GRIN3A: variants seen among roughly 807,000 people sequenced by gnomAD.
GRIN3A encodes glutamate ionotropic receptor NMDA type subunit 3A, also known as glutamate receptor ionotropic, NMDA 3A.
Under a neutral mutation model 92.4 loss-of-function variants are expected in GRIN3A, and 47 were observed. The ratio of observed to expected loss-of-function variants is 0.51; its 90% CI spans 0.40 to 0.65. GRIN3A has a LOEUF of 0.65. Among genes scored for constraint, GRIN3A ranks in the 30% least tolerant of loss-of-function variants. The pLI is 0.00. For synonymous variants in GRIN3A, 527 were observed against 540.6 expected (o/e 0.97, Z 0.35); for missense variants, 1,324 against 1,393.1 (o/e 0.95, Z 0.79).
Position 101,671,160 on chromosome 9 carries a change from A to G in GRIN3A, c.1305-53T>C, listed in dbSNP as rs1424899326. 5.0e-6 allele frequency: 6 copies of G among 1,193,842 alleles called. No individual in the cohort carries two copies. The African/African-American group carries it at 7.4e-5, about 15-fold the overall frequency. 74.0% of individuals were successfully genotyped at this position (1,193,842 alleles called of 1,614,324 possible). On this transcript the variant is annotated intron_variant, in intron 2 of 8. Transcript: ENST00000361820. ...TAAGAAAAGCAGTGAGGCCTAAGATAGGAAGCAGTGTTCAGCTTTGCTTCC... is the reference window on the plus strand; with the variant it reads ...TAAGAAAAGCAGTGAGGCCTAAGATGGGAAGCAGTGTTCAGCTTTGCTTCC...
intron 6 of GRIN3A, among the ~76,000 whole-genome samples, chr9:101,601,293 C>T (rs561769722): frequency 4.6e-5 from 7 of 152,180 alleles, no homozygotes; most frequent in African/African-American, 1.2e-4. Flanking sequence ...TAGTCTCTAC[C>T]CAGTAGGGAA....
intron 5 of GRIN3A, among the ~76,000 whole-genome samples, chr9:101,620,411 T>C (rs2118864252): frequency 6.6e-6 from 1 of 152,222 alleles, no homozygotes; most frequent in Admixed American, 6.5e-5. Flanking sequence ...AACATATGAA[T>C]CTGGGGGGAG....
chr9:101,653,155 C>T (rs181050275), intron 3 of GRIN3A, among the ~76,000 whole-genome samples: 307 of 152,060 alleles, frequency 2.0e-3, no homozygotes, highest in African/African-American at 6.7e-3. Flanking sequence ...TCAGTCATCA[C>T]ATGCCACTTG....
intron 7 of GRIN3A, among the ~76,000 whole-genome samples, chr9:101,578,406 T>C (rs1472421048): frequency 6.6e-6 from 1 of 151,630 alleles, no homozygotes; most frequent in Non-Finnish European, 1.5e-5. Context: ...TGAGGGTATA[T>C]GAATACATGA....
chr9:101,711,399 A>G (rs1365982351), intron 1 of GRIN3A, among the ~76,000 whole-genome samples: 1 of 152,190 alleles, frequency 6.6e-6, no homozygotes, highest in African/African-American at 2.4e-5. Context: ...ATAGCGTCCA[A>G]TGGAAAACTT....
intron 3 of GRIN3A, among the ~76,000 whole-genome samples, chr9:101,660,932 A>G (rs1441659806): frequency 6.6e-6 from 1 of 151,956 alleles, no homozygotes; most frequent in Non-Finnish European, 1.5e-5. Flanking sequence ...CTGAATATTT[A>G]CTGTTCACCC....
At chr9:101,692,821 T>G (rs1460768565) in intron 1 of GRIN3A, among the ~76,000 whole-genome samples, 1 of 152,162 alleles carries the variant, frequency 6.6e-6, no homozygotes, top group Non-Finnish European at 1.5e-5. Flanking sequence ...AAATTAAAGA[T>G]TGTTCCTTTA....
At chr9:101,630,787 T>C (rs528135846) in intron 3 of GRIN3A, among the ~76,000 whole-genome samples, 62 of 152,334 alleles carry the variant, frequency 4.1e-4, no homozygotes, top group African/African-American at 1.4e-3. Flanking sequence ...TTCTCACAAC[T>C]AGGAATTAAC....
At chr9:101,673,717 CAAG>C (rs1829358521) in intron 2 of GRIN3A, among the ~76,000 whole-genome samples, 1 of 152,018 alleles carries the variant, frequency 6.6e-6, no homozygotes, top group Non-Finnish European at 1.5e-5. Context: ...CTTGGATAAA[CAAG>C]GAGAAAAATC....
At chr9:101,728,730 T>C (rs1159618401) in intron 1 of GRIN3A, among the ~76,000 whole-genome samples, 1 of 152,220 alleles carries the variant, frequency 6.6e-6, no homozygotes, top group Non-Finnish European at 1.5e-5. Context: ...TCAGGGTTAA[T>C]CTGTGTAAAT....
At chr9:101,679,588 T>C (rs989239796) in intron 2 of GRIN3A, among the ~76,000 whole-genome samples, 3 of 152,224 alleles carry the variant, frequency 2.0e-5, no homozygotes, top group African/African-American at 7.2e-5. Context: ...CAAGGGTTCC[T>C]ACTGAAAACA....
In GRIN3A at chr9:101,667,078, G is replaced by C. The variant is rs534113347; in HGVS notation, c.2352+2982C>G. On this transcript the variant is annotated intron_variant, in intron 3 of 8. Coordinates refer to ENST00000361820, the MANE Select transcript of GRIN3A (RefSeq NM_133445.3). ...ATCTCAATTAAGCTTACTTTTTCCA[G>C]ACTTGGATCTTATCTCCTTCCACTC... Among the ~76,000 whole-genome samples, 3 of 151,966 alleles carry C rather than the reference G, an allele frequency of 2.0e-5. No individual in the cohort carries two copies. The South Asian group carries it at 6.2e-4, about 32-fold the overall frequency.
intron 1 of GRIN3A, among the ~76,000 whole-genome samples, chr9:101,692,586 GC>G (rs1203006207): frequency 1.3e-5 from 2 of 152,122 alleles, no homozygotes; most frequent in Non-Finnish European, 1.5e-5. Context: ...CTAGGTCAAA[GC>G]CCAAAAAGCT....
At chr9:101,617,222 A>C (rs925415628) in intron 5 of GRIN3A, among the ~76,000 whole-genome samples, 1 of 151,108 alleles carries the variant, frequency 6.6e-6, no homozygotes, top group Non-Finnish European at 1.5e-5. Flanking sequence ...AAAAAAAAAA[A>C]AAAAGAAAAT....
chr9:101,717,286 A>T (rs1215648212), intron 1 of GRIN3A, among the ~76,000 whole-genome samples: 2 of 152,058 alleles, frequency 1.3e-5, no homozygotes, highest in African/African-American at 4.8e-5. Flanking sequence ...GTTGGATGAC[A>T]CTCTTAGGAT....
rs971255777 is a variant in GRIN3A, at chr9:101,602,349, A to C, written c.2766+11027T>G. Among the ~76,000 whole-genome samples, 30 of 152,316 alleles carry C rather than the reference A, an allele frequency of 2.0e-4. 1 individual carries two copies. The highest frequency in any genetic ancestry group is 7.2e-4 in the African/African-American group (30 of 41,576). On this transcript the variant is annotated intron_variant, in intron 6 of 8. Coordinates refer to ENST00000361820, the MANE Select transcript of GRIN3A (RefSeq NM_133445.3). ...CTCGCATCAATAGCCACTAGATGGC[A>C]ATCTTCACACATTTCCATGCTTTCT...
rs573368181 is a variant in GRIN3A at position 101,657,052 on chromosome 9, C to T, written c.2352+13008G>A. ...CCCATATAGAAAACAGGAGTATCATCTCTTTCAGATAACGTTTGTCTTACG... is the reference window on the plus strand; with the variant it reads ...CCCATATAGAAAACAGGAGTATCATTTCTTTCAGATAACGTTTGTCTTACG... On this transcript the variant is annotated intron_variant, in intron 3 of 8. Transcript: ENST00000361820. Among the ~76,000 whole-genome samples the T allele has an allele frequency of 2.0e-5, 3 of 152,012 alleles. 1 individual carries two copies. The South Asian group carries it at 6.2e-4, about 32-fold the overall frequency.
At chr9:101,706,763 C>A (rs1055308975) in intron 1 of GRIN3A, among the ~76,000 whole-genome samples, 3 of 152,206 alleles carry the variant, frequency 2.0e-5, no homozygotes, top group African/African-American at 7.2e-5. Flanking sequence ...CAGGAAGCTT[C>A]AATTTGTTCC....
At chr9:101,578,996 A>G (rs1827858760) in intron 7 of GRIN3A, among the ~76,000 whole-genome samples, 200 bp downstream of exon 7, 1 of 152,212 alleles carries the variant, frequency 6.6e-6, no homozygotes, top group African/African-American at 2.4e-5. Flanking sequence ...GAAAGGAAGG[A>G]GCACTGTGGG....
Sources: gnomAD v4.1 joint callset for allele counts (sites outside exome capture counted in the v4.1 genomes callset) on GRCh38, gnomAD v4.1.1 for gene constraint, MANE v1.5 for transcripts, NCBI Gene and HGNC (gene_info 2026-07-23, HGNC 2026-07-21) for gene names.